The following ZFYVE26 variants were observed in gnomAD, a reference collection of about 807,000 sequenced individuals.
The protein encoded by ZFYVE26 is zinc finger FYVE-type containing 26.
Under a neutral mutation model 276.5 loss-of-function variants are expected in ZFYVE26, and 181 were observed. The ratio of observed to expected loss-of-function variants is 0.65; its 90% CI spans 0.58 to 0.74. The LOEUF (loss-of-function observed/expected upper bound fraction) is 0.74, where lower values mean the gene tolerates loss of function less well. Ranked by LOEUF, ZFYVE26 falls within the 30% of genes least tolerant of loss-of-function variation. The probability of loss-of-function intolerance (pLI) is 0.00; values close to 1 mark genes in which losing one functional copy is unlikely to be tolerated. For missense variants in ZFYVE26, 2,821 were observed against 3,097.9 expected (o/e 0.91, Z 2.12); for synonymous variants, 1,129 against 1,203.1 (o/e 0.94, Z 1.27).
At chr14:67,797,622 G>T in intron 12 of ZFYVE26, 50 bp downstream of exon 12, 1 of 1,575,594 alleles carries the variant, frequency 6.3e-7, no homozygotes, top group Non-Finnish European at 8.7e-7. Flanking sequence ...TATTAGACAA[G>T]CAGCATTACA....
rs755955047 is a variant in ZFYVE26 at position 67,772,088 on chromosome 14, C to T, written c.5443G>A (p.Glu1815Lys). Residue 1815 changes from glutamate (E) to lysine (K), a missense_variant, in exon 28 of 42, where the codon GAG becomes AAG. Physicochemically the swap from Glu to Lys is moderately conservative, Grantham distance 56. Coordinates refer to ENST00000347230, the MANE Select transcript of ZFYVE26 (RefSeq NM_015346.4). ...CTGCAGCAGACCATGCAGATACTCT[C>T]AGTCTCATCCGGTACCCACTGGTGC... ...ARHQWVPDETESICMVCCREH... is the reference protein window; with the variant it reads ...ARHQWVPDETKSICMVCCREH... 3 of 1,612,290 alleles carry T rather than the reference C, an allele frequency of 1.9e-6. No homozygotes were observed. Among genetic ancestry groups the T allele is most frequent in the Non-Finnish European group, 2.5e-6 (3 of 1,179,554 alleles).
At chr14:67,782,396 G>A (rs560753403) in intron 21 of ZFYVE26, among the ~76,000 whole-genome samples, 123 of 152,262 alleles carry the variant, frequency 8.1e-4, no homozygotes, top group African/African-American at 2.8e-3. Flanking sequence ...GCGAGACTGT[G>A]GCTTACAAAG....
intron 5 of ZFYVE26, 108 bp downstream of exon 5, chr14:67,807,290 C>A: frequency 6.8e-7 from 1 of 1,477,806 alleles, no homozygotes; most frequent in South Asian, 1.2e-5. Context: ...CTTAGCCTCC[C>A]CTATTAGATG....
chr14:67,766,988 A>G (rs960265060), intron 31 of ZFYVE26, among the ~76,000 whole-genome samples: 1 of 152,092 alleles, frequency 6.6e-6, no homozygotes, highest in African/African-American at 2.4e-5. Context: ...ACAGGTGGGC[A>G]CCACTGCGCC....
intron 13 of ZFYVE26, among the ~76,000 whole-genome samples, chr14:67,738,259 C>A (rs1284471907): frequency 6.6e-6 from 1 of 150,964 alleles, no homozygotes; most frequent in Non-Finnish European, 1.5e-5. Context: ...ATGGAAATAG[C>A]CTAAAAGTCC....
At chr14:67,743,028 G>A (rs1439320973), downstream of ZFYVE26, among the ~76,000 whole-genome samples, 2 of 150,550 alleles carry the variant, frequency 1.3e-5, no homozygotes, top group Non-Finnish European at 3.0e-5. Flanking sequence ...TTTGTAGTGA[G>A]GGTCTCATTA....
At chr14:67,804,585 T>C (rs1357527705) in intron 8 of ZFYVE26, among the ~76,000 whole-genome samples, 1 of 152,234 alleles carries the variant, frequency 6.6e-6, no homozygotes, top group Admixed American at 6.5e-5. Context: ...CAAGTTTCTC[T>C]GGCTGTACTT....
chr14:67,769,221 C>T (rs2140203374), intron 29 of ZFYVE26, among the ~76,000 whole-genome samples: 1 of 152,284 alleles, frequency 6.6e-6, no homozygotes, highest in South Asian at 2.1e-4. Context: ...CCCAACCATT[C>T]AGCAGGTGTG....
rs1305407618 is a variant in ZFYVE26 at position 67,762,748 on chromosome 14, T to C, written c.6083A>G (p.Gln2028Arg). The change falls in exon 33 of 42, where the codon CAG becomes CGG. Residue 2028 changes from glutamine to arginine, a missense_variant. Transcript: ENST00000347230. ...GGTTACTGCAGCTGGCTGCAAGATC[T>C]GATCCAAAGATGGCACGTGGCGATA... The part of the protein sequence containing the change: ...AAYRHVPSLD[Q>R]ILQPAAVTRL... 5 of 1,614,232 alleles carry C rather than the reference T, an allele frequency of 3.1e-6. No homozygotes were observed. Among genetic ancestry groups the C allele is most frequent in the Non-Finnish European group, 4.2e-6 (5 of 1,180,046 alleles).
chr14:67,734,116 A>G, intron 13 of ZFYVE26: 1 of 354,808 alleles, frequency 2.8e-6, no homozygotes, highest in Non-Finnish European at 5.5e-6. Flanking sequence ...GACTGGGCAG[A>G]TCCCAGGCTG....
chr14:67,802,215 G>A lies in ZFYVE26; in HGVS notation c.1503C>T (p.Phe501=), dbSNP rs753712760. 7.4e-6 allele frequency: 12 copies of A among 1,614,242 alleles called. No individual in the cohort carries two copies. In the East Asian group the frequency reaches 2.7e-4, roughly 36 times the overall value. ...CATAGATGGCATACTTCATGGCACA[G>A]AAGCCCTGGTAGAGTGTCAGGTTCT... ...QCQNLTLYQG[F]CAMKYAIYAL... Residue 501 remains phenylalanine (F), a synonymous_variant, in exon 10 of 42, where the codon TTC becomes TTT. Coordinates refer to ENST00000347230, the MANE Select transcript of ZFYVE26 (RefSeq NM_015346.4).
At chr14:67,766,968 T>C (rs1443804485) in intron 31 of ZFYVE26, among the ~76,000 whole-genome samples, 1 of 152,170 alleles carries the variant, frequency 6.6e-6, no homozygotes, top group Non-Finnish European at 1.5e-5. Context: ...ACTCTCAAAG[T>C]GCTGGGATTA....
At chr14:67,790,388 C>G (rs1024371054) in intron 15 of ZFYVE26, among the ~76,000 whole-genome samples, 184 bp downstream of exon 15, 1 of 152,162 alleles carries the variant, frequency 6.6e-6, no homozygotes, top group African/African-American at 2.4e-5. Flanking sequence ...TCTGAACAGC[C>G]TGGGCAAGGA....
intron 13 of ZFYVE26, among the ~76,000 whole-genome samples, chr14:67,740,890 C>G (rs2038409150): frequency 1.3e-5 from 2 of 150,670 alleles, no homozygotes; most frequent in Admixed American, 1.3e-4. Context: ...GCTTGGGTGA[C>G]AGAGTAAGAC....
rs2039749246 is a variant in ZFYVE26 at position 67,789,375 on chromosome 14, C to A, written c.2979G>T (p.Glu993Asp). 1 of 1,614,112 alleles carries A rather than the reference C, an allele frequency of 6.2e-7. No homozygotes were observed. Among genetic ancestry groups the A allele is most frequent in the Non-Finnish European group, 8.5e-7 (1 of 1,180,058 alleles). Residue 993 changes from glutamate (E) to aspartate (D), a missense_variant, in exon 16 of 42, where the codon GAG becomes GAT. Transcript: ENST00000347230. ...TACTATTCAAACGCCGTTCGGCTGT[C>A]TCCAAAAGCTGCTTGCAGGTTTTCC... ...QLWKTCKQLL[E>D]TAERRLNSSL...
rs200832994 is a variant in ZFYVE26 at position 67,807,692 on chromosome 14, G to A, written c.592C>T (p.Arg198Ter). 4.3e-6 allele frequency: 7 copies of A among 1,614,036 alleles called. No homozygotes were observed. The highest frequency in any genetic ancestry group is 2.7e-5 in the African/African-American group (2 of 74,938). The part of the protein sequence containing the change: ...PLQNALVDLI[R>*]KALRALQGPD... ...CCCTGCAAAGCCCGCAATGCCTTTC[G>A]AATGAGGTCCACCAGTGCATTCTGC... Residue 198 changes from arginine to a stop codon, truncating the protein, a stop_gained, in exon 5 of 42, where the codon CGA (arginine) becomes TGA (stop). Transcript: ENST00000347230. LOFTEE classifies it high-confidence loss of function.
At chr14:67,785,665 A>G (rs2039630602) in intron 18 of ZFYVE26, among the ~76,000 whole-genome samples, 193 bp downstream of exon 18, 1 of 152,168 alleles carries the variant, frequency 6.6e-6, no homozygotes, top group African/African-American at 2.4e-5. Context: ...AGTGTTCACC[A>G]TTCTTTCAAT....
rs2039789475 is a variant in ZFYVE26, at chr14:67,790,701, C to G, written c.2626G>C (p.Val876Leu). Reference sequence around the variant, plus strand: ...TCTACTTGGGCCAGTTCTTGGATCACTTCCTGGTAGCGCTCCATGAACATC... The same window carrying G: ...TCTACTTGGGCCAGTTCTTGGATCAGTTCCTGGTAGCGCTCCATGAACATC... The part of the protein sequence containing the change: ...ELMFMERYQE[V>L]IQELAQVEHK... Residue 876 changes from valine to leucine, a missense_variant, in exon 15 of 42, where the codon GTG (valine) becomes CTG (leucine). Val to Leu is a conservative substitution (Grantham distance 32, BLOSUM62 1). Coordinates refer to ENST00000347230, the MANE Select transcript of ZFYVE26 (RefSeq NM_015346.4). 1 of 1,614,120 alleles carries G rather than the reference C, an allele frequency of 6.2e-7. No individual in the cohort carries two copies. Among genetic ancestry groups the G allele is most frequent in the South Asian group, 1.1e-5 (1 of 91,090 alleles).
At chr14:67,802,037 G>A in intron 10 of ZFYVE26, 42 bp downstream of exon 10, 1 of 1,606,336 alleles carries the variant, frequency 6.2e-7, no homozygotes, top group Non-Finnish European at 8.5e-7. Context: ...ACTGGCATGT[G>A]TTGTTATCAG....
Sources: allele counts gnomAD v4.1 joint callset (sites outside exome capture counted in the v4.1 genomes callset), GRCh38; gene constraint gnomAD v4.1.1; transcripts MANE v1.5; gene names NCBI Gene and HGNC (gene_info 2026-07-23, HGNC 2026-07-21).